The following AFF1 variants were observed in gnomAD, a reference collection of about 807,000 sequenced individuals.
The protein encoded by AFF1 is AF4/FMR2 family member 1.
A neutral mutation model predicts 121.7 loss-of-function variants in AFF1; 48 were observed. The observed-to-expected ratio is 0.39, with a 90% CI of 0.31 to 0.50. The LOEUF is 0.50. Among genes scored for constraint, AFF1 ranks in the 20% least tolerant of loss-of-function variants. AFF1 has a pLI of 0.76. For missense variants in AFF1, 1,523 were observed against 1,511.7 expected (o/e 1.01, Z -0.12); for synonymous variants, 613 against 563.0 (o/e 1.09, Z -1.26).
chr4:87,036,014 C>T (rs1473499895), intron 2 of AFF1, among the ~76,000 whole-genome samples: 3 of 152,226 alleles, frequency 2.0e-5, no homozygotes, highest in African/African-American at 7.2e-5. Context: ...GGCCAGCACT[C>T]TGGTTGATCC....
At chr4:86,971,074 T>G (rs538182647) in intron 2 of AFF1, among the ~76,000 whole-genome samples, 1 of 152,224 alleles carries the variant, frequency 6.6e-6, no homozygotes, top group Admixed American at 6.5e-5. Context: ...CTTTGTGGGG[T>G]TTACACTGCG....
intron 2 of AFF1, among the ~76,000 whole-genome samples, chr4:86,984,570 G>T (rs11947276): frequency 1.1e-4 from 17 of 152,086 alleles, no homozygotes; most frequent in Middle Eastern, 6.8e-3. Flanking sequence ...CAGTCCGCCC[G>T]CCTCGGCCTC....
intron 2 of AFF1, among the ~76,000 whole-genome samples, chr4:87,005,102 A>G (rs575194610): frequency 3.3e-5 from 5 of 152,218 alleles, no homozygotes; most frequent in African/African-American, 1.2e-4. Flanking sequence ...CCACCTCCCA[A>G]GTATCTGGGA....
At chr4:87,096,561 A>G (rs932494405) in intron 8 of AFF1, among the ~76,000 whole-genome samples, 5 of 150,256 alleles carry the variant, frequency 3.3e-5, no homozygotes, top group African/African-American at 1.2e-4. Flanking sequence ...TTCTTTTTGG[A>G]GACAAGGTTG....
At chr4:87,068,597 G>A (rs546411772) in intron 4 of AFF1, among the ~76,000 whole-genome samples, 7 of 152,196 alleles carry the variant, frequency 4.6e-5, no homozygotes, top group African/African-American at 7.2e-5. Flanking sequence ...TTTGAACTAC[G>A]CACATGGTGC....
Position 87,013,032 on chromosome 4 carries a change from C to CTTTTTTTTTGTTT in AFF1, c.39-33125_39-33124insGTTTTTTTTTTTT, listed in dbSNP as rs1391718271. Among the ~76,000 whole-genome samples, 51 of 93,490 alleles carry CTTTTTTTTTGTTT rather than the reference C, an allele frequency of 5.5e-4. 3 individuals carry two copies. Among genetic ancestry groups the CTTTTTTTTTGTTT allele is most frequent in the African/African-American group, 1.8e-3 (42 of 23,260 alleles). 61.3% of individuals were successfully genotyped at this position (93,490 alleles called of 152,430 possible). A position where few individuals can be genotyped will look rare whatever the true frequency, so the allele number is the denominator to read the frequency against. On this transcript the variant is annotated intron_variant, in intron 2 of 20. Transcript: ENST00000395146. ...AACCAGATTGAACTGCTATCAAGTT[C>CTTTTTTTTTGTTT]TTTTTTTTTTTTTTTTTTTTTTTTT...
rs528856935 is a variant in AFF1 at position 87,105,511 on chromosome 4, A to G, written c.1284-117A>G. 7 of 1,125,216 alleles carry G rather than the reference A, an allele frequency of 6.2e-6. No homozygotes were observed. In the South Asian group the frequency reaches 8.6e-5, roughly 14 times the overall value. 69.7% of individuals were successfully genotyped at this position (1,125,216 alleles called of 1,614,324 possible). ...AAGTCACAGCCTTTAATAAATAAAG[A>G]AAACTTACACATATCCTCTCTCTTT... On this transcript the variant is annotated intron_variant, in intron 8 of 20. Coordinates refer to ENST00000395146, the MANE Select transcript of AFF1 (RefSeq NM_001166693.3).
chr4:86,970,621 A>G (rs1203268975), intron 2 of AFF1, among the ~76,000 whole-genome samples: 1 of 152,236 alleles, frequency 6.6e-6, no homozygotes, highest in Non-Finnish European at 1.5e-5. Context: ...TGAAAAATAA[A>G]CATGAATCAT....
intron 4 of AFF1, among the ~76,000 whole-genome samples, chr4:87,061,437 C>T (rs369448040): frequency 1.3e-5 from 2 of 152,200 alleles, no homozygotes; most frequent in Admixed American, 6.5e-5. Flanking sequence ...TCTCTTACTC[C>T]CTTGTTCTCC....
At chr4:86,949,079 G>A (rs1721074050) in intron 2 of AFF1, among the ~76,000 whole-genome samples, 1 of 151,454 alleles carries the variant, frequency 6.6e-6, no homozygotes, top group Non-Finnish European at 1.5e-5. Context: ...ACATTTTGAA[G>A]CAGTTTTACA....
chr4:87,090,190 ATG>A, intron 6 of AFF1, 120 bp downstream of exon 6: 1 of 772,926 alleles, frequency 1.3e-6, no homozygotes, highest in Non-Finnish European at 2.0e-6. Flanking sequence ...GGTTAAAATT[ATG>A]ATTAATTTAG....
At chr4:86,953,110 A>G (rs1721492148) in intron 2 of AFF1, among the ~76,000 whole-genome samples, 1 of 152,078 alleles carries the variant, frequency 6.6e-6, no homozygotes, top group Non-Finnish European at 1.5e-5. Context: ...TGCCCCTTAT[A>G]GTAACATTCT....
Position 87,108,162 on chromosome 4 carries a change from T to C in AFF1, c.1380T>C (p.Ala460=). The C allele has an allele frequency of 1.2e-6, 2 of 1,613,398 alleles. No homozygotes were observed. The highest frequency in any genetic ancestry group is 1.3e-5 in the African/African-American group (1 of 75,042). Residue 460 remains alanine (A), a synonymous_variant, in exon 11 of 21, where the codon GCT becomes GCC. Coordinates refer to ENST00000395146, the MANE Select transcript of AFF1 (RefSeq NM_001166693.3). ...TTATCTTTTGGTTGCTTTGCAGTGC[T>C]CCACAGTCCCTTCCAGAACCAGTGG... The part of the protein sequence containing the change: ...KPPSSSAPPS[A]PQSLPEPVAS...
intron 2 of AFF1, among the ~76,000 whole-genome samples, chr4:86,985,181 C>CTATATATAATATATATA: frequency 1.0e-5 from 1 of 96,498 alleles, no homozygotes; most frequent in Admixed American, 1.1e-4. Flanking sequence ...ATATGTATTA[C>CTATATATAATATATATA]TATATATATA....
At chr4:87,018,917 A>T (rs953315044) in intron 2 of AFF1, among the ~76,000 whole-genome samples, 1 of 152,226 alleles carries the variant, frequency 6.6e-6, no homozygotes, top group Non-Finnish European at 1.5e-5. Context: ...GAATTTAGAA[A>T]GGCCCCCAGG....
At chr4:87,133,451 A>C (rs879308097) in intron 19 of AFF1, among the ~76,000 whole-genome samples, 4 of 152,236 alleles carry the variant, frequency 2.6e-5, no homozygotes, top group Admixed American at 2.6e-4. Flanking sequence ...TAAAAAAGAA[A>C]GTCCTGATTA....
intron 4 of AFF1, among the ~76,000 whole-genome samples, chr4:87,052,533 C>G (rs1239165286): frequency 1.3e-5 from 2 of 151,806 alleles, no homozygotes; most frequent in African/African-American, 4.8e-5. Context: ...AGGAGTAAGA[C>G]CATGGAGGCT....
rs776303958 is a variant in AFF1 at position 87,047,469 on chromosome 4, A to G, written c.934A>G (p.Ser312Gly). 21 of 1,614,074 alleles carry G rather than the reference A, an allele frequency of 1.3e-5. No individual in the cohort carries two copies. The South Asian group carries it at 1.5e-4, about 12-fold the overall frequency. ...RPMDGQDQAPSESPELKPLPE... is the reference protein window; with the variant it reads ...RPMDGQDQAPGESPELKPLPE... ...CATGGATGGTCAAGATCAGGCCCCT[A>G]GTGAATCCCCTGAACTGAAACCACT... Residue 312 changes from serine to glycine, a missense_variant, in exon 4 of 21, where the codon AGT becomes GGT. Physicochemically the swap from Ser to Gly is moderately conservative, Grantham distance 56. Around this residue, in one of 5 missense-constraint regions of AFF1, gnomAD observed 905 missense variants for 842.5 expected, o/e 1.07. Transcript: ENST00000395146.
chr4:86,963,044 T>C (rs1261346969), intron 2 of AFF1, among the ~76,000 whole-genome samples: 1 of 151,382 alleles, frequency 6.6e-6, no homozygotes, highest in Non-Finnish European at 1.5e-5. Flanking sequence ...CATGCACCTG[T>C]AATCCCAGCT....
Sources: allele counts gnomAD v4.1 joint callset (sites outside exome capture counted in the v4.1 genomes callset), GRCh38; gene constraint gnomAD v4.1.1; regional missense constraint gnomAD v4.1.1; transcripts MANE v1.5; gene names NCBI Gene and HGNC (gene_info 2026-07-23, HGNC 2026-07-21).